The following KLHL33 variants were observed in gnomAD, a reference collection of about 807,000 sequenced individuals.
KLHL33 encodes kelch like family member 33, also known as kelch-like protein 33.
Under a neutral mutation model 60.8 loss-of-function variants are expected in KLHL33, and 46 were observed. The observed-to-expected ratio is 0.76, with a 90% CI of 0.60 to 0.97. The LOEUF (loss-of-function observed/expected upper bound fraction) is 0.97, where lower values mean the gene tolerates loss of function less well. KLHL33 is among the 50% of genes least tolerant of loss of function. The probability of loss-of-function intolerance (pLI) is 0.00; values close to 1 mark genes in which losing one functional copy is unlikely to be tolerated. For missense variants in KLHL33, 1,055 were observed against 1,000.0 expected (o/e 1.05, Z -0.74); for synonymous variants, 434 against 432.2 (o/e 1.00, Z -0.05).
Position 20,435,376 on chromosome 14 carries a change from C to T in KLHL33, c.436G>A (p.Gly146Arg). ...AGGCTGAAGGGGGGCCGCGGACCTC[C>T]GCCGCCCAGCAGCCTGTCTCGGAAG... ...SLFRDRLLGGGGPRPPFSLEV... is the reference protein window; with the variant it reads ...SLFRDRLLGGRGPRPPFSLEV... Residue 146 changes from glycine to arginine, a missense_variant, in exon 2 of 5, where the codon GGA (glycine) becomes AGA (arginine). Coordinates refer to ENST00000636854, the MANE Select transcript of KLHL33 (RefSeq NM_001365790.2). The T allele has an allele frequency of 8.1e-7, 1 of 1,234,334 alleles. No individual in the cohort carries two copies. Among genetic ancestry groups the T allele is most frequent in the Non-Finnish European group, 1.0e-6 (1 of 988,144 alleles). 76.5% of individuals were successfully genotyped at this position (1,234,334 alleles called of 1,614,324 possible).
intron 2 of KLHL33, among the ~76,000 whole-genome samples, chr14:20,434,337 A>G (rs1438251022): frequency 6.6e-6 from 1 of 152,082 alleles, no homozygotes; most frequent in Non-Finnish European, 1.5e-5. Flanking sequence ...AGAGTTCAAG[A>G]CAAGCCTGGC....
chr14:20,434,275 A>C (rs1880613006), intron 2 of KLHL33, among the ~76,000 whole-genome samples: 1 of 152,164 alleles, frequency 6.6e-6, no homozygotes, highest in African/African-American at 2.4e-5. Context: ...GGCCGGGTGC[A>C]GTGACTCATG....
In KLHL33 at chr14:20,435,368, C is replaced by T; in HGVS notation, c.444G>A (p.Pro148=). Residue 148 remains proline (P), a synonymous_variant, in exon 2 of 5, where the codon CCG becomes CCA. Coordinates refer to ENST00000636854, the MANE Select transcript of KLHL33 (RefSeq NM_001365790.2). The part of the protein sequence containing the change: ...FRDRLLGGGG[P]RPPFSLEVSP... ...ACACCTCGAGGCTGAAGGGGGGCCG[C>T]GGACCTCCGCCGCCCAGCAGCCTGT... The T allele has an allele frequency of 8.1e-7, 1 of 1,234,292 alleles. No individual in the cohort carries two copies. The highest frequency in any genetic ancestry group is 1.0e-6 in the Non-Finnish European group (1 of 988,114). 76.5% of individuals were successfully genotyped at this position (1,234,292 alleles called of 1,614,324 possible). A position where few individuals can be genotyped will look rare whatever the true frequency, so the allele number is the denominator to read the frequency against.
chr14:20,432,994 TTAC>T (rs1880571366), intron 2 of KLHL33, among the ~76,000 whole-genome samples: 1 of 85,448 alleles, frequency 1.2e-5, no homozygotes, highest in Admixed American at 1.1e-4. Flanking sequence ...AAGAGAGAAA[TTAC>T]TATTAATTTT....
intron 1 of KLHL33, 31 bp from the exon 2 acceptor site, chr14:20,435,861 C>G (rs533485090): frequency 7.0e-4 from 859 of 1,232,036 alleles, no homozygotes; most frequent in Middle Eastern, 1.1e-3. Context: ...GACAGCCTGG[C>G]GTCAGAGCTG....
chr14:20,431,951 T>A (rs1201013829), intron 2 of KLHL33, among the ~76,000 whole-genome samples: 1 of 152,154 alleles, frequency 6.6e-6, no homozygotes, highest in Admixed American at 6.5e-5. Flanking sequence ...CAATTAGACC[T>A]CATACTCAGC....
In KLHL33 at chr14:20,435,633, A is replaced by G; in HGVS notation, c.179T>C (p.Leu60Pro). The G allele has an allele frequency of 1.6e-6, 2 of 1,234,594 alleles. No homozygotes were observed. Among genetic ancestry groups the G allele is most frequent in the Non-Finnish European group, 2.0e-6 (2 of 988,288 alleles). The allele number at this position is 1,234,594 out of a possible 1,614,324, so 76.5% of individuals were successfully genotyped here. A position where few individuals can be genotyped will look rare whatever the true frequency, so the allele number is the denominator to read the frequency against. Residue 60 changes from leucine to proline, a missense_variant, in exon 2 of 5, where the codon CTG (leucine) becomes CCG (proline). Leu to Pro is a moderately conservative substitution (Grantham distance 98). Coordinates refer to ENST00000636854, the MANE Select transcript of KLHL33 (RefSeq NM_001365790.2). ...FPLEEPGSRP[L>P]VPRNLPFPAL... is the part of the protein sequence containing the mutation. ...TGGAAAGGGAAGGTTCCTTGGGACC[A>G]GGGGCCTGGAACCAGGCTCCTCCAG...
intron 2 of KLHL33, among the ~76,000 whole-genome samples, chr14:20,432,960 A>AAGAAAGAT (rs1880563655): frequency 6.6e-6 from 1 of 151,530 alleles, no homozygotes; most frequent in Non-Finnish European, 1.5e-5. Context: ...GAAAGAAAGA[A>AAGAAAGAT]AGAAAGAAAG....
rs548801408 is a variant in KLHL33, at chr14:20,428,780, C to T, written c.*69G>A. The T allele has an allele frequency of 7.4e-7, 1 of 1,342,512 alleles. No homozygotes were observed. The highest frequency in any genetic ancestry group is 2.3e-5 in the Admixed American group (1 of 42,992). The allele number at this position is 1,342,512 out of a possible 1,614,324, so 83.2% of individuals were successfully genotyped here. A position where few individuals can be genotyped will look rare whatever the true frequency, so the allele number is the denominator to read the frequency against. On this transcript the variant is annotated 3_prime_UTR_variant, in exon 5 of 5. Transcript: ENST00000636854. ...CAAGAATAAAGCCTCTTTTCACTCC[C>T]CACAATCTCTGTCCTTCTCTCAGGC...
intron 3 of KLHL33, 38 bp from the exon 4 acceptor site, chr14:20,429,707 T>C: frequency 6.5e-7 from 1 of 1,540,962 alleles, no homozygotes; most frequent in Non-Finnish European, 8.8e-7. Flanking sequence ...AGAGGGACTC[T>C]GGGCATCCGT....
Position 20,430,359 on chromosome 14 carries a change from G to T in KLHL33, c.1109C>A (p.Ala370Asp). Residue 370 changes from alanine (A) to aspartate (D), a missense_variant, in exon 3 of 5, where the codon GCC becomes GAC. Transcript: ENST00000636854. ...TAAAGAAGGGAAAGCAGGACACAAGGCTACAGCAGGCAGGTGGGTGAGGAG... is the reference window on the plus strand; with the variant it reads ...TAAAGAAGGGAAAGCAGGACACAAGTCTACAGCAGGCAGGTGGGTGAGGAG... ...HYLLTHLPAVALCPAFPSLPA... is the reference protein window; with the variant it reads ...HYLLTHLPAVDLCPAFPSLPA... 6.4e-7 allele frequency: 1 copy of T among 1,551,926 alleles called. No individual in the cohort carries two copies. The highest frequency in any genetic ancestry group is 8.7e-7 in the Non-Finnish European group (1 of 1,147,048).
At position 20,428,881 on chromosome 14, in the gene KLHL33, G is replaced by C. The variant is rs570782404; in HGVS notation, c.2362C>G (p.Pro788Ala). Residue 788 changes from proline (P) to alanine (A), a missense_variant, in exon 5 of 5, where the codon CCC (proline) becomes GCC (alanine). Pro to Ala is a conservative substitution (Grantham distance 27). Transcript: ENST00000636854. ...GCAGGTTTGGTTTGGTGTGGGGTGG[G>C]AACCAAAGCTATGTGCTGCACAGCG... ...LPAVQHIALVPTPHQTKPAG is the reference protein window; with the variant it reads ...LPAVQHIALVATPHQTKPAG 53 of 1,551,622 alleles carry C rather than the reference G, an allele frequency of 3.4e-5. No homozygotes were observed. The African/African-American group carries it at 7.1e-4, about 21-fold the overall frequency.
rs1880588957 is a variant in KLHL33, at chr14:20,433,536, C to T, written c.748+1528G>A. ...CTGCATTCCTCAAAACAAGCTAAGC[C>T]ATCTCAGCTCCCATATCATCAATCA... On this transcript the variant is annotated intron_variant, in intron 2 of 4. Coordinates refer to ENST00000636854, the MANE Select transcript of KLHL33 (RefSeq NM_001365790.2). Among the ~76,000 whole-genome samples the T allele has an allele frequency of 3.3e-5, 5 of 152,158 alleles. No homozygotes were observed. The South Asian group carries it at 1.0e-3, about 31-fold the overall frequency.
intron 2 of KLHL33, among the ~76,000 whole-genome samples, chr14:20,431,995 A>G (rs1224305118): frequency 1.3e-5 from 2 of 152,230 alleles, no homozygotes; most frequent in African/African-American, 4.8e-5. Flanking sequence ...AAAATATTTA[A>G]CTTGAATCTG....
At position 20,435,730 on chromosome 14, in the gene KLHL33, G is replaced by A; in HGVS notation, c.82C>T (p.Leu28Phe). 1 of 1,234,758 alleles carries A rather than the reference G, an allele frequency of 8.1e-7. No homozygotes were observed. The allele number at this position is 1,234,758 out of a possible 1,614,324, so 76.5% of individuals were successfully genotyped here. A position where few individuals can be genotyped will look rare whatever the true frequency, so the allele number is the denominator to read the frequency against. Residue 28 changes from leucine to phenylalanine, a missense_variant, in exon 2 of 5, where the codon CTT becomes TTT. Transcript: ENST00000636854. ...GAAGGGGTTCTCTGGGCGTGCACAA[G>A]GAGTCCAAGGCAGTCCCTCTGGACG... ...HPVQRDCLGL[L>F]VHAQRTPSWP...
At position 20,430,269 on chromosome 14, in the gene KLHL33, G is replaced by C. The variant is rs1025583210; in HGVS notation, c.1199C>G (p.Ala400Gly). ...CAGCCAACACCGTGCAGCCACAAAG[G>C]CCTCAAACTCCTCCTGCACATGGAG... ...DELHVQEEFE[A>G]FVAARCWLAA... The change falls in exon 3 of 5, where the codon GCC becomes GGC. Residue 400 changes from alanine to glycine, a missense_variant. Ala to Gly is a moderately conservative substitution (Grantham distance 60). Coordinates refer to ENST00000636854, the MANE Select transcript of KLHL33 (RefSeq NM_001365790.2). The C allele has an allele frequency of 6.4e-7, 1 of 1,551,726 alleles. No homozygotes were observed.
rs940191652 is a variant in KLHL33, at chr14:20,429,673, G to A, written c.1674-4C>T. The A allele has an allele frequency of 5.8e-6, 9 of 1,549,696 alleles. No homozygotes were observed. The African/African-American group carries it at 1.1e-4, about 19-fold the overall frequency. On this transcript the variant is annotated splice_polypyrimidine_tract_variant and splice_region_variant and intron_variant, in intron 3 of 4. Transcript: ENST00000636854. ...GTCCTCTTGACTGGGCTCCCACCTG[G>A]ACACAGTAGGACAAGAGATTGGAAG...
intron 4 of KLHL33, 29 bp from the exon 5 acceptor site, chr14:20,429,430 C>T (rs1467157590): frequency 1.6e-5 from 25 of 1,549,876 alleles, no homozygotes; most frequent in Admixed American, 2.0e-5. Context: ...CAAGATAAGG[C>T]AACTAGCATC....
chr14:20,430,752 CA>C (rs1466515292), intron 2 of KLHL33, 33 bp from the exon 3 acceptor site: 3 of 1,421,774 alleles, frequency 2.1e-6, no homozygotes, highest in Admixed American at 5.0e-5. Context: ...GAGGAGGACT[CA>C]AAGTATTGCA....
Sources: allele counts gnomAD v4.1 joint callset (sites outside exome capture counted in the v4.1 genomes callset), GRCh38; gene constraint gnomAD v4.1.1; transcripts MANE v1.5; gene names NCBI Gene and HGNC (gene_info 2026-07-23, HGNC 2026-07-21).